Variants in KLHL23 observed in about 807,000 individuals in gnomAD.
The protein encoded by KLHL23 is kelch-like protein 23.
Under a neutral mutation model 48.9 loss-of-function variants are expected in KLHL23, and 33 were observed. That is an observed-to-expected ratio of 0.67 (90% CI 0.51 to 0.90). KLHL23 has a LOEUF of 0.90. Ranked by LOEUF, KLHL23 falls within the 40% of genes least tolerant of loss-of-function variation. KLHL23 has a pLI of 0.00. For synonymous variants in KLHL23, 234 were observed against 231.6 expected, an observed-to-expected ratio of 1.01 and a Z score of -0.09; for missense variants, 608 against 669.6, an observed-to-expected ratio of 0.91 and a Z score of 1.02.
rs1574524896 is a variant in KLHL23, at chr2:169,741,620, G to T, written c.1366+83G>T. 5.5e-6 allele frequency: 8 copies of T among 1,464,880 alleles called. No homozygotes were observed. The East Asian group carries it at 1.8e-4, about 34-fold the overall frequency. 90.7% of individuals were successfully genotyped at this position (1,464,880 alleles called of 1,614,324 possible). ...GATGGCTAAAAATGGACTGGAAATA[G>T]AAAATGCTGATTTTATTGTAGACTA... On this transcript the variant is annotated intron_variant, in intron 3 of 3. Coordinates refer to ENST00000392647, the MANE Select transcript of KLHL23 (RefSeq NM_144711.6).
chr2:169,745,161 C>T (rs1440530956), intron 3 of KLHL23, among the ~76,000 whole-genome samples: 2 of 151,902 alleles, frequency 1.3e-5, no homozygotes, highest in Admixed American at 6.6e-5. Context: ...AAGTCATCCA[C>T]CCGCCTCAGC....
chr2:169,740,014 C>T (rs773388744), intron 2 of KLHL23, among the ~76,000 whole-genome samples: 2 of 152,162 alleles, frequency 1.3e-5, no homozygotes, highest in African/African-American at 2.4e-5. Context: ...GGGGCACTTA[C>T]CATGAATGGA....
chr2:169,746,389 G>A (rs1224690547), intron 3 of KLHL23, among the ~76,000 whole-genome samples: 2 of 152,194 alleles, frequency 1.3e-5, no homozygotes, highest in African/African-American at 4.8e-5. Flanking sequence ...ATCTAACACT[G>A]AATACAGACT....
At position 169,735,989 on chromosome 2, in the gene KLHL23, T is replaced by C; in HGVS notation, c.975T>C (p.Thr325=). The C allele has an allele frequency of 6.2e-7, 1 of 1,614,168 alleles. No individual in the cohort carries two copies. Among genetic ancestry groups the C allele is most frequent in the Non-Finnish European group, 8.5e-7 (1 of 1,180,026 alleles). ...GTTTAGGACCCAACATTTATGTAAC[T>C]GGGGGCTACAGGACGGATAACATAG... is the stretch of plus-strand genomic sequence containing the variant. ...VTCLGPNIYV[T]GGYRTDNIEA... The change falls in exon 2 of 4, where the codon ACT becomes ACC. Residue 325 remains threonine, a synonymous_variant. Coordinates refer to ENST00000392647, the MANE Select transcript of KLHL23 (RefSeq NM_144711.6). This position sits in a 1 kb window ranked among gnomAD's most constrained non-coding sequence, Gnocchi z 4.5.
In KLHL23 at chr2:169,735,916, A is replaced by G. The variant is rs765727056; in HGVS notation, c.902A>G (p.Gln301Arg). Reference protein sequence around the residue: ...IWDPLTNVWIQGAEIPDYTRE... With the variant: ...IWDPLTNVWIRGAEIPDYTRE... ...GATCCTTTGACAAATGTTTGGATTC[A>G]GGGAGCAGAAATACCAGATTATACC... Residue 301 changes from glutamine to arginine, a missense_variant, in exon 2 of 4, where the codon CAG (glutamine) becomes CGG (arginine). By Grantham distance (43) the Gln-to-Arg change is conservative (BLOSUM62 1). Transcript: ENST00000392647. The surrounding 1 kb of genome is among the most constrained non-coding windows in gnomAD (Gnocchi z 4.5). 1.5e-5 allele frequency: 24 copies of G among 1,614,084 alleles called. No individual in the cohort carries two copies. The highest frequency in any genetic ancestry group is 1.9e-5 in the Non-Finnish European group (23 of 1,180,060).
intron 3 of KLHL23, among the ~76,000 whole-genome samples, chr2:169,748,862 C>T (rs561998002): frequency 6.6e-6 from 1 of 151,572 alleles, no homozygotes; most frequent in African/African-American, 2.4e-5. Context: ...CACAGCTTCT[C>T]AGGATGATAG....
rs140221414 is a variant in KLHL23 at position 169,741,495 on chromosome 2, G to A, written c.1324G>A (p.Asp442Asn). 3.1e-5 allele frequency: 50 copies of A among 1,613,834 alleles called. No individual in the cohort carries two copies. The South Asian group carries it at 4.2e-4, about 13-fold the overall frequency. Residue 442 changes from aspartate (D) to asparagine (N), a missense_variant, in exon 3 of 4, where the codon GAT becomes AAT. Physicochemically the swap from Asp to Asn is conservative, Grantham distance 23. This residue lies in a region of KLHL23 where 179 missense variants were observed against 169.9 expected (regional missense o/e 1.05). Transcript: ENST00000392647. ...TGACAAAGTTCAGAGCTACAATTCCGATATCAACGAATGGAGCCTCATCAC... is the reference window on the plus strand; with the variant it reads ...TGACAAAGTTCAGAGCTACAATTCCAATATCAACGAATGGAGCCTCATCAC... ...TYDKVQSYNS[D>N]INEWSLITSS...
chr2:169,749,416 T>C lies in KLHL23; in HGVS notation c.1367-6T>C, dbSNP rs373693741. 8.3e-6 allele frequency: 13 copies of C among 1,566,298 alleles called. No individual in the cohort carries two copies. Among genetic ancestry groups the C allele is most frequent in the African/African-American group, 1.4e-5 (1 of 72,598 alleles). On this transcript the variant is annotated splice_polypyrimidine_tract_variant and splice_region_variant and intron_variant, in intron 3 of 3. Transcript: ENST00000392647. Reference sequence around the variant, plus strand: ...AAATGCTGTTTTCTTTTTTTCTTTTTAAAAGAATATGGATTGTGCTCAGTT... The same window carrying C: ...AAATGCTGTTTTCTTTTTTTCTTTTCAAAAGAATATGGATTGTGCTCAGTT...
Position 169,736,029 on chromosome 2 carries a change from G to T in KLHL23, c.1015G>T (p.Val339Leu), listed in dbSNP as rs749279885. The change falls in exon 2 of 4, where the codon GTG becomes TTG. Residue 339 changes from valine to leucine, a missense_variant. Physicochemically the swap from Val to Leu is conservative, Grantham distance 32. This residue lies in a region of KLHL23 where 419 missense variants were observed against 473.1 expected (regional missense o/e 0.89). Transcript: ENST00000392647. ...GGATAACATAGAAGCTCTTGACACA[G>T]TGTGGATCTATAACAGTGAAAGTGA... ...RTDNIEALDT[V>L]WIYNSESDEW... The T allele has an allele frequency of 6.2e-7, 1 of 1,614,192 alleles. No homozygotes were observed. The highest frequency in any genetic ancestry group is 8.5e-7 in the Non-Finnish European group (1 of 1,180,040).
chr2:169,749,243 G>A (rs1688880089), intron 3 of KLHL23, among the ~76,000 whole-genome samples, 179 bp from the exon 4 acceptor site: 2 of 152,256 alleles, frequency 1.3e-5, no homozygotes, highest in South Asian at 4.1e-4. Flanking sequence ...ATCTGAATTA[G>A]GTGACAGGGA....
intron 3 of KLHL23, among the ~76,000 whole-genome samples, chr2:169,742,057 G>T (rs1345122589): frequency 2.0e-5 from 3 of 152,228 alleles, no homozygotes; most frequent in Admixed American, 1.3e-4. Context: ...GGAACATGCT[G>T]TCTGCCCATA....
At chr2:169,737,409 C>T (rs1471858809) in intron 2 of KLHL23, among the ~76,000 whole-genome samples, 1 of 152,122 alleles carries the variant, frequency 6.6e-6, no homozygotes, top group East Asian at 1.9e-4. Flanking sequence ...TGTTGCTCCC[C>T]TGGTTTTTGT....
In KLHL23 at chr2:169,750,779, C is replaced by T. The variant is rs964699712; in HGVS notation, c.*1047C>T. On this transcript the variant is annotated 3_prime_UTR_variant, in exon 4 of 4. Coordinates refer to ENST00000392647, the MANE Select transcript of KLHL23 (RefSeq NM_144711.6). ...GTCAAATATTTGTTTATGCTAAGAA[C>T]TGTTTTTAATTTTCAGCTTTGATGT... 6.6e-6 allele frequency: 1 copy of T among 152,148 alleles called. No individual in the cohort carries two copies. The highest frequency in any genetic ancestry group is 2.4e-5 in the African/African-American group (1 of 41,444). 9.4% of individuals were successfully genotyped at this position (152,148 alleles called of 1,614,324 possible). A position where few individuals can be genotyped will look rare whatever the true frequency, so the allele number is the denominator to read the frequency against.
chr2:169,742,706 T>C (rs1688705357), intron 3 of KLHL23, among the ~76,000 whole-genome samples: 1 of 152,206 alleles, frequency 6.6e-6, no homozygotes, highest in Non-Finnish European at 1.5e-5. Flanking sequence ...GAAGGAACTT[T>C]AGCCCCAGGC....
chr2:169,739,451 C>T (rs1322045569), intron 2 of KLHL23, among the ~76,000 whole-genome samples: 1 of 152,144 alleles, frequency 6.6e-6, no homozygotes, highest in African/African-American at 2.4e-5. Flanking sequence ...TGCAACAACC[C>T]TCAATGTGCC....
Position 169,749,854 on chromosome 2 carries a change from A to G in KLHL23, c.*122A>G. ...CTGGCACATGATAGGGGATCAGTAA[A>G]TTGTAATTCCTAACCCTACTGTACT... is the stretch of plus-strand genomic sequence containing the variant. On this transcript the variant is annotated 3_prime_UTR_variant, in exon 4 of 4. Coordinates refer to ENST00000392647, the MANE Select transcript of KLHL23 (RefSeq NM_144711.6). 1 of 1,226,114 alleles carries G rather than the reference A, an allele frequency of 8.2e-7. No homozygotes were observed. The highest frequency in any genetic ancestry group is 1.1e-6 in the Non-Finnish European group (1 of 901,330). 76.0% of individuals were successfully genotyped at this position (1,226,114 alleles called of 1,614,324 possible). A position where few individuals can be genotyped will look rare whatever the true frequency, so the allele number is the denominator to read the frequency against.
At chr2:169,734,872 C>T in intron 1 of KLHL23, 141 bp from the exon 2 acceptor site, 2 of 1,140,792 alleles carry the variant, frequency 1.8e-6, no homozygotes, top group Non-Finnish European at 2.4e-6. Flanking sequence ...AACAGTCCAT[C>T]CACATTTTGC....
chr2:169,738,653 C>T (rs1688572183), intron 2 of KLHL23, among the ~76,000 whole-genome samples: 1 of 151,858 alleles, frequency 6.6e-6, no homozygotes. Context: ...TCCATCATAA[C>T]TGCTCTACTT....
intron 2 of KLHL23, among the ~76,000 whole-genome samples, chr2:169,740,610 T>G (rs1242385179): frequency 2.0e-4 from 30 of 150,366 alleles, no homozygotes; most frequent in Admixed American, 2.0e-3. Context: ...CACCACGTCC[T>G]GCTAATTTTT....
Sources: gnomAD v4.1 joint callset for allele counts (sites outside exome capture counted in the v4.1 genomes callset) on GRCh38, gnomAD v4.1.1 for gene constraint, gnomAD v4.1.1 regional missense constraint, Gnocchi (gnomAD v3.1) non-coding constraint, MANE v1.5 for transcripts, NCBI Gene and HGNC (gene_info 2026-07-23, HGNC 2026-07-21) for gene names.